LRRC69: variants seen among roughly 807,000 people sequenced by gnomAD.
The protein encoded by LRRC69 is leucine-rich repeat-containing protein 69.
A neutral mutation model predicts 37.8 loss-of-function variants in LRRC69; 42 were observed. The observed-to-expected ratio is 1.11, with a 90% CI of 0.87 to 1.44. The LOEUF is 1.44. LRRC69 is among the 40% of genes most tolerant of loss of function. The pLI, the probability that LRRC69 is intolerant of heterozygous loss-of-function variation, is 0.00. For synonymous variants in LRRC69, 141 were observed against 143.1 expected (o/e 0.99, Z 0.11); for missense variants, 357 against 401.9 (o/e 0.89, Z 0.96).
At chr8:91,113,217 T>C (rs886398723) in intron 1 of LRRC69, among the ~76,000 whole-genome samples, 2 of 151,896 alleles carry the variant, frequency 1.3e-5, no homozygotes, top group East Asian at 3.9e-4. Context: ...AAAAACAATT[T>C]TAAAATGCAT....
intron 5 of LRRC69, among the ~76,000 whole-genome samples, chr8:91,148,180 C>A: frequency 6.6e-6 from 1 of 151,668 alleles, no homozygotes; most frequent in African/African-American, 2.4e-5. Context: ...GTGCTGCACC[C>A]ATTAACTTGT....
intron 5 of LRRC69, among the ~76,000 whole-genome samples, chr8:91,173,566 T>C (rs1809171194): frequency 6.6e-6 from 1 of 152,202 alleles, no homozygotes; most frequent in African/African-American, 2.4e-5. Context: ...TTGCAGTATA[T>C]TGTCAGGTAG....
intron 1 of LRRC69, chr8:91,118,349 TGCAAAAAAAAAAAAAAAAAAAAAA>T: frequency 1.1e-4 from 4 of 35,436 alleles, no homozygotes; most frequent in South Asian, 7.6e-4. Flanking sequence ...CTACTAAAAA[TGCAAAAAAAAAAAAAAAAAAAAAA>T]AAAAAAAAAA....
intron 6 of LRRC69, among the ~76,000 whole-genome samples, chr8:91,200,129 C>T (rs1328087628): frequency 6.6e-6 from 1 of 152,088 alleles, no homozygotes; most frequent in Admixed American, 6.6e-5. Flanking sequence ...GATTTTGATT[C>T]AGTAGGTCTG....
intron 7 of LRRC69, among the ~76,000 whole-genome samples, chr8:91,201,389 C>G (rs946144109): frequency 6.6e-6 from 1 of 152,136 alleles, no homozygotes; most frequent in Non-Finnish European, 1.5e-5. Flanking sequence ...ACTTGACTCT[C>G]CTTTGTAGCA....
At chr8:91,176,134 A>ATATATATTT in intron 5 of LRRC69, among the ~76,000 whole-genome samples, 116 of 75,530 alleles carry the variant, frequency 1.5e-3, no homozygotes, top group East Asian at 4.1e-3. Context: ...ATATATATAT[A>ATATATATTT]TTTTTTTTTT....
intron 5 of LRRC69, among the ~76,000 whole-genome samples, chr8:91,185,021 T>C (rs1809383409): frequency 6.6e-6 from 1 of 152,086 alleles, no homozygotes; most frequent in Non-Finnish European, 1.5e-5. Context: ...ATTTGCATTG[T>C]AAAGCAATTG....
At chr8:91,124,856 C>T (rs1350145932) in intron 2 of LRRC69, 7 of 360,140 alleles carry the variant, frequency 1.9e-5, no homozygotes, top group Middle Eastern at 1.6e-3. Flanking sequence ...GAATTTTCCT[C>T]TTTGTAGAAT....
intron 5 of LRRC69, among the ~76,000 whole-genome samples, chr8:91,169,921 CATT>C: frequency 8.8e-6 from 1 of 114,040 alleles, no homozygotes. Context: ...TCCAGTCTAT[CATT>C]GTTGGACATT....
chr8:91,188,006 G>A (rs1809432874), intron 5 of LRRC69, among the ~76,000 whole-genome samples: 1 of 151,582 alleles, frequency 6.6e-6, no homozygotes, highest in Non-Finnish European at 1.5e-5. Context: ...GGAAAGAATG[G>A]TGGTTACATA....
chr8:91,156,998 A>G (rs1290943513), intron 5 of LRRC69, among the ~76,000 whole-genome samples: 1 of 150,630 alleles, frequency 6.6e-6, no homozygotes, highest in Non-Finnish European at 1.5e-5. Context: ...AACCAGTTCT[A>G]TGCTGTTTTG....
At chr8:91,119,716 T>G (rs1813583195) in intron 1 of LRRC69, among the ~76,000 whole-genome samples, 1 of 151,984 alleles carries the variant, frequency 6.6e-6, no homozygotes, top group Non-Finnish European at 1.5e-5. Flanking sequence ...CCTAATCTCC[T>G]CCTCTCAGCA....
intron 5 of LRRC69, among the ~76,000 whole-genome samples, chr8:91,137,327 G>T (rs6984580): frequency 0.67 from 102,221 of 151,726 alleles, 34,929 homozygotes; most frequent in Middle Eastern, 0.74. Context: ...CTGGTGCCAC[G>T]TTTTCTACGG....
At chr8:91,183,996 T>A (rs1809365208) in intron 5 of LRRC69, among the ~76,000 whole-genome samples, 1 of 152,116 alleles carries the variant, frequency 6.6e-6, no homozygotes, top group African/African-American at 2.4e-5. Context: ...AAAAAAAAAT[T>A]GAGGCTTGGC....
Position 91,181,105 on chromosome 8 carries a change from A to T in LRRC69, c.652-8417A>T, listed in dbSNP as rs142340078. On this transcript the variant is annotated intron_variant, in intron 5 of 7. Coordinates refer to ENST00000448384, the Ensembl canonical transcript of LRRC69. Reference sequence around the variant, plus strand: ...GAGTATAACTGTTTGAGACATTTTTATGGTGATTTAGGTGCCAATGCTGAA... The same window carrying T: ...GAGTATAACTGTTTGAGACATTTTTTTGGTGATTTAGGTGCCAATGCTGAA... Among the ~76,000 whole-genome samples, 77 of 152,298 alleles carry T rather than the reference A, an allele frequency of 5.1e-4. 1 individual carries two copies. The East Asian group carries it at 0.014, about 27-fold the overall frequency.
In LRRC69 at chr8:91,159,603, GA is replaced by G. The variant is rs558407737; in HGVS notation, c.651+23871del. Among the ~76,000 whole-genome samples the G allele has an allele frequency of 2.5e-3, 371 of 151,202 alleles. 3 individuals are homozygous for G. The highest frequency in any genetic ancestry group is 8.2e-3 in the African/African-American group (338 of 41,424). On this transcript the variant is annotated intron_variant, in intron 5 of 7. Transcript: ENST00000448384. Reference sequence around the variant, plus strand: ...AAAAAATGGGAACAAGGCTTTGGCTGAAAAAAACATGCATTTGACAAATCAT... The same window carrying G: ...AAAAAATGGGAACAAGGCTTTGGCTGAAAAAACATGCATTTGACAAATCAT...
chr8:91,162,073 C>G (rs1808954955), intron 5 of LRRC69, among the ~76,000 whole-genome samples: 1 of 151,294 alleles, frequency 6.6e-6, no homozygotes, highest in African/African-American at 2.4e-5. Flanking sequence ...TCCACAGTTC[C>G]TCTTGTTATT....
chr8:91,121,531 A>G (rs746976553), intron 1 of LRRC69, among the ~76,000 whole-genome samples: 5 of 151,872 alleles, frequency 3.3e-5, no homozygotes, highest in Non-Finnish European at 7.4e-5. Flanking sequence ...TATTTTGACA[A>G]TTTCTTCTTC....
intron 5 of LRRC69, among the ~76,000 whole-genome samples, chr8:91,148,971 T>A (rs1450247897): frequency 6.6e-6 from 1 of 151,876 alleles, no homozygotes; most frequent in South Asian, 2.1e-4. Context: ...TCTTTGTAGA[T>A]TCTGGATATT....
Sources: allele counts gnomAD v4.1 joint callset (sites outside exome capture counted in the v4.1 genomes callset), GRCh38; gene constraint gnomAD v4.1.1; transcripts MANE v1.5; gene names NCBI Gene and HGNC (gene_info 2026-07-23, HGNC 2026-07-21).